Variants in PCSK6 observed in about 807,000 individuals in gnomAD.
PCSK6 encodes paired basic amino acid cleaving enzyme 4.
Under a neutral mutation model 123.3 loss-of-function variants are expected in PCSK6, and 85 were observed. That is an observed-to-expected ratio of 0.69 (90% CI 0.58 to 0.83). The LOEUF (loss-of-function observed/expected upper bound fraction) is 0.83, where lower values mean the gene tolerates loss of function less well. PCSK6 is among the 40% of genes least tolerant of loss of function. The probability of loss-of-function intolerance (pLI) is 0.00; values close to 1 mark genes in which losing one functional copy is unlikely to be tolerated. For missense variants in PCSK6, 1,191 were observed against 1,282.3 expected, an observed-to-expected ratio of 0.93 and a Z score of 1.09; for synonymous variants, 508 against 516.0, an observed-to-expected ratio of 0.98 and a Z score of 0.21.
chr15:101,365,225 G>A (rs140091855), intron 13 of PCSK6, among the ~76,000 whole-genome samples: 71 of 152,228 alleles, frequency 4.7e-4, no homozygotes, highest in African/African-American at 1.7e-3. Flanking sequence ...GTGACTTTGG[G>A]TTAGGCAATG....
rs539447573 is a variant in PCSK6, at chr15:101,452,824, C to T, written c.298-9164G>A. Reference sequence around the variant, plus strand: ...ACTGATAAAGACCGGTGGAATTCCCCGGTGTCCATGGCTGTGCTGCACGGC... The same window carrying T: ...ACTGATAAAGACCGGTGGAATTCCCTGGTGTCCATGGCTGTGCTGCACGGC... On this transcript the variant is annotated intron_variant, in intron 1 of 21. Coordinates refer to ENST00000611716, the MANE Select transcript of PCSK6 (RefSeq NM_002570.5). Among the ~76,000 whole-genome samples, 5 of 152,212 alleles carry T rather than the reference C, an allele frequency of 3.3e-5. No homozygotes were observed. In the East Asian group the frequency reaches 9.7e-4, roughly 29 times the overall value.
chr15:101,361,155 T>C (rs959205055), intron 13 of PCSK6, among the ~76,000 whole-genome samples: 6 of 128,874 alleles, frequency 4.7e-5, no homozygotes, highest in Admixed American at 2.5e-4. Context: ...CCTATAGTTC[T>C]TTCTCTCTCT....
At chr15:101,487,652 C>T (rs55826172) in intron 1 of PCSK6, among the ~76,000 whole-genome samples, 21,102 of 152,202 alleles carry the variant, frequency 0.14, 1,757 homozygotes, top group Middle Eastern at 0.23. Flanking sequence ...TGTAATTTAT[C>T]GCGTAGTTTA....
At chr15:101,327,276 A>T (rs1053795860) in intron 15 of PCSK6, among the ~76,000 whole-genome samples, 2 of 152,160 alleles carry the variant, frequency 1.3e-5, no homozygotes, top group East Asian at 1.9e-4. Context: ...AGGCGAGCTG[A>T]GTAGACGCCA....
intron 13 of PCSK6, among the ~76,000 whole-genome samples, chr15:101,350,528 T>C (rs2040862339): frequency 6.6e-6 from 1 of 152,234 alleles, no homozygotes; most frequent in Admixed American, 6.5e-5. Flanking sequence ...AGATGATCAC[T>C]ATTTACTGAT....
chr15:101,374,207 A>C (rs1373619749), intron 11 of PCSK6, among the ~76,000 whole-genome samples: 1 of 152,172 alleles, frequency 6.6e-6, no homozygotes, highest in East Asian at 1.9e-4. Context: ...CCTTCTCCTG[A>C]GGAGGCGAAG....
rs1567136882 is a variant in PCSK6 at position 101,313,468 on chromosome 15, G to T, written c.2607C>A (p.Asn869Lys). 6.2e-7 allele frequency: 1 copy of T among 1,610,414 alleles called. No individual in the cohort carries two copies. The highest frequency in any genetic ancestry group is 8.5e-7 in the Non-Finnish European group (1 of 1,179,798). The change falls in exon 20 of 22, where the codon AAC (asparagine) becomes AAA (lysine). Residue 869 changes from asparagine to lysine, a missense_variant. Around this residue, in one of 3 missense-constraint regions of PCSK6, gnomAD observed 630 missense variants for 631.4 expected, o/e 1.00. Coordinates refer to ENST00000611716, the MANE Select transcript of PCSK6 (RefSeq NM_002570.5). ...CACACTTCCAGTCGTGGAAGTGGAA[G>T]TTTTTCGCACAGTGAATGCACTCTT... The part of the protein sequence containing the change: ...GREECIHCAK[N>K]FHFHDWKCVP...
At chr15:101,403,383 G>A (rs903842148) in intron 6 of PCSK6, among the ~76,000 whole-genome samples, 5 of 149,656 alleles carry the variant, frequency 3.3e-5, no homozygotes, top group African/African-American at 9.9e-5. Context: ...TAACTAACCT[G>A]CACATTGTGC....
chr15:101,443,400 T>C (rs1292974365), intron 2 of PCSK6, among the ~76,000 whole-genome samples, 156 bp downstream of exon 2: 6 of 152,234 alleles, frequency 3.9e-5, no homozygotes, highest in Admixed American at 3.9e-4. Context: ...TTAGTTCAGA[T>C]GGTCTGATTC....
intron 13 of PCSK6, chr15:101,337,320 A>C (rs915888266): frequency 6.6e-6 from 1 of 152,196 alleles, no homozygotes; most frequent in African/African-American, 2.4e-5. Context: ...TAGTACTTAA[A>C]TGCTTTTTTC....
chr15:101,328,926 G>A (rs937997888), intron 15 of PCSK6, among the ~76,000 whole-genome samples: 1 of 152,160 alleles, frequency 6.6e-6, no homozygotes, highest in African/African-American at 2.4e-5. Context: ...TCACTCCACC[G>A]CCTGAGCGTG....
At chr15:101,380,934 G>A (rs773660949) in intron 11 of PCSK6, among the ~76,000 whole-genome samples, 6 of 152,162 alleles carry the variant, frequency 3.9e-5, no homozygotes, top group Non-Finnish European at 5.9e-5. Context: ...TTCTGTATCA[G>A]ATACAAGGCC....
At chr15:101,366,420 A>G in intron 12 of PCSK6, 88 bp from the exon 13 acceptor site, 1 of 1,407,974 alleles carries the variant, frequency 7.1e-7, no homozygotes, top group Non-Finnish European at 9.7e-7. Flanking sequence ...CTCTCGGGGG[A>G]CTGTATGACC....
chr15:101,349,635 A>G (rs932941545), intron 13 of PCSK6, among the ~76,000 whole-genome samples: 2 of 152,074 alleles, frequency 1.3e-5, no homozygotes, highest in Admixed American at 1.3e-4. Context: ...GTGACAACCT[A>G]CACAGGCTGC....
At chr15:101,362,202 C>T (rs534514523) in intron 13 of PCSK6, among the ~76,000 whole-genome samples, 33 of 152,198 alleles carry the variant, frequency 2.2e-4, no homozygotes, top group Admixed American at 7.2e-4. Context: ...GTGATTCACC[C>T]GCCTCGGCCT....
At chr15:101,475,055 C>T (rs567910903) in intron 1 of PCSK6, among the ~76,000 whole-genome samples, 18 of 152,338 alleles carry the variant, frequency 1.2e-4, no homozygotes, top group Admixed American at 6.5e-5. Flanking sequence ...CTGGCCCTAG[C>T]GCCACTGGTC....
chr15:101,482,581 G>A (rs2057916649), intron 1 of PCSK6, among the ~76,000 whole-genome samples: 2 of 152,178 alleles, frequency 1.3e-5, no homozygotes, highest in Admixed American at 1.3e-4. Flanking sequence ...GCAGTTGGCG[G>A]ACACTGGAGA....
rs201958712 is a variant in PCSK6 at position 101,384,308 on chromosome 15, C to T, written c.1414+14G>A. ...AGGGCCACCCAATGGTCCACCAGAACGCCACTGCCGCACCTTTATGACCCG... is the reference window on the plus strand; with the variant it reads ...AGGGCCACCCAATGGTCCACCAGAATGCCACTGCCGCACCTTTATGACCCG... On this transcript the variant is annotated intron_variant, in intron 10 of 21. Transcript: ENST00000611716. 984 of 1,612,588 alleles carry T rather than the reference C, an allele frequency of 6.1e-4. 1 individual carries two copies. The highest frequency in any genetic ancestry group is 4.1e-3 in the Middle Eastern group (25 of 6,056).
intron 13 of PCSK6, chr15:101,346,316 G>A (rs1185812729): frequency 6.6e-6 from 1 of 152,276 alleles, no homozygotes; most frequent in South Asian, 2.1e-4. Flanking sequence ...ACAATAGAGA[G>A]ATGCTTAAAT....
Sources: allele counts gnomAD v4.1 joint callset (sites outside exome capture counted in the v4.1 genomes callset), GRCh38; gene constraint gnomAD v4.1.1; regional missense constraint gnomAD v4.1.1; transcripts MANE v1.5; gene names NCBI Gene and HGNC (gene_info 2026-07-23, HGNC 2026-07-21).